The following CPPED1 variants were observed in gnomAD, a reference collection of about 807,000 sequenced individuals.
The protein encoded by CPPED1 is serine/threonine-protein phosphatase CPPED1.
In CPPED1, 28 loss-of-function variants were observed where a neutral mutation model predicts 28.0. The ratio of observed to expected loss-of-function variants is 1.00; its 90% CI spans 0.74 to 1.37. The LOEUF (loss-of-function observed/expected upper bound fraction) is 1.37. Ranked by LOEUF, CPPED1 falls within the 40% of genes most tolerant of loss-of-function variation. The pLI, the probability that CPPED1 is intolerant of heterozygous loss-of-function variation, is 0.00. For synonymous variants in CPPED1, 198 were observed against 180.2 expected, an observed-to-expected ratio of 1.10 and a Z score of -0.79; for missense variants, 504 against 416.5, an observed-to-expected ratio of 1.21 and a Z score of -1.83.
At chr16:12,666,127 A>C (rs781677289) in intron 3 of CPPED1, among the ~76,000 whole-genome samples, 1 of 152,128 alleles carries the variant, frequency 6.6e-6, no homozygotes, top group Non-Finnish European at 1.5e-5. Context: ...AAAATAAATA[A>C]ATAAAAATAA....
At chr16:12,671,050 C>A (rs2141166549) in intron 3 of CPPED1, among the ~76,000 whole-genome samples, 1 of 152,146 alleles carries the variant, frequency 6.6e-6, no homozygotes, top group African/African-American at 2.4e-5. Flanking sequence ...TGGGTTTCAC[C>A]ATGTTGGCCA....
chr16:12,696,608 AT>A (rs1320357438), intron 3 of CPPED1, among the ~76,000 whole-genome samples: 4 of 151,496 alleles, frequency 2.6e-5, no homozygotes, highest in Non-Finnish European at 5.9e-5. Context: ...CGCTCCACTA[AT>A]TTTTTGTATT....
chr16:12,796,600 AACTGGAACCCATATAC>A (rs1187958952), intron 1 of CPPED1, among the ~76,000 whole-genome samples: 1 of 152,234 alleles, frequency 6.6e-6, no homozygotes, highest in Non-Finnish European at 1.5e-5. Context: ...GATATGGAGA[AACTGGAACCCATATAC>A]ACTGCTGGTG....
chr16:12,729,896 CTG>C (rs2080188643), intron 2 of CPPED1, among the ~76,000 whole-genome samples: 1 of 152,166 alleles, frequency 6.6e-6, no homozygotes, highest in Non-Finnish European at 1.5e-5. Flanking sequence ...GAGTCTCACT[CTG>C]TTGCCGAGGC....
chr16:12,739,392 C>T (rs911475164), intron 2 of CPPED1, among the ~76,000 whole-genome samples: 33 of 152,090 alleles, frequency 2.2e-4, no homozygotes, highest in African/African-American at 8.0e-4. Flanking sequence ...CCAGGTTGGC[C>T]AACATGGTGA....
chr16:12,697,692 G>C (rs1469719861), intron 3 of CPPED1, among the ~76,000 whole-genome samples: 1 of 152,176 alleles, frequency 6.6e-6, no homozygotes, highest in East Asian at 1.9e-4. Context: ...CTGCTCTCTT[G>C]TTATGAAGGC....
intron 2 of CPPED1, among the ~76,000 whole-genome samples, chr16:12,726,113 C>T (rs1327940831): frequency 6.6e-6 from 1 of 152,060 alleles, no homozygotes; most frequent in Non-Finnish European, 1.5e-5. Flanking sequence ...ACAATCTTGG[C>T]TTACCACAAC....
intron 1 of CPPED1, 37 bp downstream of exon 1, chr16:12,803,670 C>T (rs1169487048): frequency 1.4e-6 from 2 of 1,458,014 alleles, no homozygotes; most frequent in East Asian, 2.8e-5. Flanking sequence ...GTTCCGCAGC[C>T]CCAGAGTCCC....
chr16:12,792,359 C>T (rs2080601841), intron 1 of CPPED1, among the ~76,000 whole-genome samples: 1 of 152,150 alleles, frequency 6.6e-6, no homozygotes, highest in South Asian at 2.1e-4. Context: ...TGAGGTATCA[C>T]ACTGGGAAGT....
At chr16:12,691,817 TG>T (rs1377567716) in intron 3 of CPPED1, among the ~76,000 whole-genome samples, 1 of 14,048 alleles carries the variant, frequency 7.1e-5, no homozygotes, top group Non-Finnish European at 1.1e-4. Flanking sequence ...TGTTGTGGGG[TG>T]GGGGGAGGGG....
rs916572741 is a variant in CPPED1 at position 12,665,198 on chromosome 16, A to C, written c.716-83T>G. ...GTCTCCAGCATTTTATTCTGTGAACAGTAATATATTAAATATATTATTATA... is the reference window on the plus strand; with the variant it reads ...GTCTCCAGCATTTTATTCTGTGAACCGTAATATATTAAATATATTATTATA... On this transcript the variant is annotated intron_variant, in intron 3 of 3. Coordinates refer to ENST00000381774, the MANE Select transcript of CPPED1 (RefSeq NM_018340.3). The C allele has an allele frequency of 1.0e-5, 12 of 1,163,994 alleles. No individual in the cohort carries two copies. In the African/African-American group the frequency reaches 1.9e-4, roughly 18 times the overall value. The allele number at this position is 1,163,994 out of a possible 1,614,324, so 72.1% of individuals were successfully genotyped here. A position where few individuals can be genotyped will look rare whatever the true frequency, so the allele number is the denominator to read the frequency against.
At chr16:12,710,472 G>A (rs1322097575) in intron 2 of CPPED1, among the ~76,000 whole-genome samples, 1 of 151,516 alleles carries the variant, frequency 6.6e-6, no homozygotes, top group Non-Finnish European at 1.5e-5. Context: ...AAAAAAGGAG[G>A]GGGGGAACAG....
intron 2 of CPPED1, among the ~76,000 whole-genome samples, chr16:12,744,164 T>C (rs2141212660): frequency 6.6e-6 from 1 of 151,720 alleles, no homozygotes; most frequent in South Asian, 2.1e-4. Flanking sequence ...TTGTCCCAGC[T>C]ATTTGGGAGG....
chr16:12,741,819 G>A lies in CPPED1; in HGVS notation c.290-36770C>T, dbSNP rs149085391. On this transcript the variant is annotated intron_variant, in intron 2 of 3. Coordinates refer to ENST00000381774, the MANE Select transcript of CPPED1 (RefSeq NM_018340.3). ...TAATCCCAGTTCTTTGGGAGGCCGA[G>A]GCAGGTGGATCACTTGAGGTCAGGA... Among the ~76,000 whole-genome samples, 4 of 152,338 alleles carry A rather than the reference G, an allele frequency of 2.6e-5. No homozygotes were observed. The East Asian group carries it at 7.7e-4, about 29-fold the overall frequency.
In CPPED1 at chr16:12,727,613, T is replaced by C. The variant is rs1231388281; in HGVS notation, c.290-22564A>G. ...ATCCTCACACTTTGGCCTCCCAAAG[T>C]GTAGGGATTACAGGCATGAACCACC... On this transcript the variant is annotated intron_variant, in intron 2 of 3. Coordinates refer to ENST00000381774, the MANE Select transcript of CPPED1 (RefSeq NM_018340.3). Among the ~76,000 whole-genome samples the C allele has an allele frequency of 3.9e-5, 6 of 152,286 alleles. No individual in the cohort carries two copies. The East Asian group carries it at 1.2e-3, about 29-fold the overall frequency.
At chr16:12,714,583 CT>C (rs1254669437) in intron 2 of CPPED1, among the ~76,000 whole-genome samples, 1 of 152,164 alleles carries the variant, frequency 6.6e-6, no homozygotes, top group Non-Finnish European at 1.5e-5. Context: ...ATTTTTATAT[CT>C]TCTTTGGAGA....
In CPPED1 at chr16:12,740,385, C is replaced by T. The variant is rs1389704242; in HGVS notation, c.290-35336G>A. The stretch of plus-strand genomic sequence containing the variant: ...TCTTGAACCTGGGAGGCAGAGGTTG[C>T]AGTGAGCAGAGATTGCACCACTGCA... On this transcript the variant is annotated intron_variant, in intron 2 of 3. Coordinates refer to ENST00000381774, the MANE Select transcript of CPPED1 (RefSeq NM_018340.3). Among the ~76,000 whole-genome samples, 4 of 149,080 alleles carry T rather than the reference C, an allele frequency of 2.7e-5. No individual in the cohort carries two copies. The Admixed American group carries it at 2.7e-4, about 10-fold the overall frequency.
intron 2 of CPPED1, among the ~76,000 whole-genome samples, chr16:12,714,505 T>C (rs1039130319): frequency 3.9e-5 from 6 of 152,220 alleles, no homozygotes; most frequent in South Asian, 2.1e-4. Context: ...TAAAATTTCA[T>C]TGTGGTTTCT....
chr16:12,778,978 A>G (rs1010642465), intron 2 of CPPED1, among the ~76,000 whole-genome samples: 22 of 152,204 alleles, frequency 1.4e-4, no homozygotes, highest in Admixed American at 4.6e-4. Context: ...CATAAAAACT[A>G]TATCTTTTAA....
Sources: gnomAD v4.1 joint callset for allele counts (sites outside exome capture counted in the v4.1 genomes callset) on GRCh38, gnomAD v4.1.1 for gene constraint, MANE v1.5 for transcripts, NCBI Gene and HGNC (gene_info 2026-07-23, HGNC 2026-07-21) for gene names.